The following TTLL11 variants were observed in gnomAD, a reference collection of about 807,000 sequenced individuals.
The protein encoded by TTLL11 is tubulin polyglutamylase TTLL11.
Under a neutral mutation model 51.7 loss-of-function variants are expected in TTLL11, and 42 were observed. That is an observed-to-expected ratio of 0.81 (90% confidence interval 0.64 to 1.05). The LOEUF (loss-of-function observed/expected upper bound fraction) is 1.05, where lower values mean the gene tolerates loss of function less well. TTLL11 is among the 50% of genes least tolerant of loss of function. The probability of loss-of-function intolerance (pLI) is 0.00; values close to 1 mark genes in which losing one functional copy is unlikely to be tolerated. For synonymous variants in TTLL11, 381 were observed against 383.5 expected (o/e 0.99, Z 0.08); for missense variants, 799 against 940.4 (o/e 0.85, Z 1.97).
intron 6 of TTLL11, among the ~76,000 whole-genome samples, chr9:121,896,584 A>T (rs910278749): frequency 6.6e-6 from 1 of 152,202 alleles, no homozygotes; most frequent in Non-Finnish European, 1.5e-5. Flanking sequence ...GGGTCGGGAC[A>T]TAAGTCAGGA....
In TTLL11 at chr9:121,890,392, C is replaced by T. The variant is rs1839181176; in HGVS notation, c.1482-19644G>A. 6.6e-6 allele frequency among the ~76,000 whole-genome samples: 1 copy of T among 152,204 alleles called. No homozygotes were observed. The highest frequency in any genetic ancestry group is 1.5e-5 in the Non-Finnish European group (1 of 68,040). ...TCTTCACCAGTTTCCTGGCTCGCAA[C>T]CTCCGCTTCCAATGTGTCCTTCATG... is the stretch of plus-strand genomic sequence containing the variant. On this transcript the variant is annotated intron_variant, in intron 6 of 8. Transcript: ENST00000321582. This position sits in a 1 kb window ranked among gnomAD's most constrained non-coding sequence, Gnocchi z 4.3.
At chr9:121,874,233 G>A (rs897168649) in intron 6 of TTLL11, among the ~76,000 whole-genome samples, 7 of 152,166 alleles carry the variant, frequency 4.6e-5, no homozygotes, top group Admixed American at 1.3e-4. Flanking sequence ...GAACTCAAGC[G>A]ATCCTCCTGC....
chr9:122,031,629 G>A (rs1844547055), intron 3 of TTLL11, 94 bp downstream of exon 3: 3 of 1,483,948 alleles, frequency 2.0e-6, no homozygotes, highest in Non-Finnish European at 2.7e-6. Flanking sequence ...GCAGCTCCCT[G>A]GGACCCCCTG....
In TTLL11 at chr9:121,989,983, G is replaced by A. The variant is rs568677817; in HGVS notation, c.694-213C>T. 5.3e-5 allele frequency among the ~76,000 whole-genome samples: 8 copies of A among 152,322 alleles called. No individual in the cohort carries two copies. The highest frequency in any genetic ancestry group is 8.8e-5 in the Non-Finnish European group (6 of 68,030). ...CCCCAGTCTTGTGCTCCAGAGCGAG[G>A]TGGAGAGTGTAGTGGACTGGCAGTC... On this transcript the variant is annotated intron_variant, in intron 3 of 8. Coordinates refer to ENST00000321582, the MANE Select transcript of TTLL11 (RefSeq NM_001139442.2). The surrounding 1 kb of genome is among the most constrained non-coding windows in gnomAD (Gnocchi z 4.2).
chr9:122,048,752 C>G (rs1845082280), intron 1 of TTLL11, among the ~76,000 whole-genome samples: 1 of 152,212 alleles, frequency 6.6e-6, no homozygotes, highest in South Asian at 2.1e-4. Context: ...GATCTTCTGA[C>G]TGGGCTTGCC....
chr9:122,003,399 A>G (rs1843539555), intron 3 of TTLL11, among the ~76,000 whole-genome samples: 1 of 152,044 alleles, frequency 6.6e-6, no homozygotes, highest in African/African-American at 2.4e-5. Context: ...ACGTTAGTCA[A>G]TATATATTAT....
intron 6 of TTLL11, among the ~76,000 whole-genome samples, chr9:121,896,709 C>T (rs1048253052): frequency 3.3e-5 from 5 of 152,178 alleles, no homozygotes; most frequent in African/African-American, 1.2e-4. Context: ...TACGCAGACC[C>T]TGGCCCTGAG....
chr9:122,090,408 C>G (rs1369839268), intron 1 of TTLL11, among the ~76,000 whole-genome samples: 3 of 152,134 alleles, frequency 2.0e-5, no homozygotes, highest in Non-Finnish European at 4.4e-5. Context: ...TCTTACCACT[C>G]CACCTCCCAC....
At chr9:121,859,712 C>T (rs1211307669) in intron 8 of TTLL11, among the ~76,000 whole-genome samples, 1 of 152,156 alleles carries the variant, frequency 6.6e-6, no homozygotes, top group Non-Finnish European at 1.5e-5. Flanking sequence ...CCTTTTTGCT[C>T]CAGCCCATCT....
intron 6 of TTLL11, among the ~76,000 whole-genome samples, chr9:121,913,209 AC>A (rs1166300636): frequency 1.3e-5 from 2 of 152,162 alleles, no homozygotes; most frequent in African/African-American, 4.8e-5. Context: ...GGATGACAAG[AC>A]TGTAAGCACC....
rs72767747 is a variant in TTLL11 at position 122,068,768 on chromosome 9, G to A, written c.462+23919C>T. ...CCTCTTATTCCTGGACAAAACACTG[G>A]GCTACATTCCCCAGTCTCCCTGGCA... On this transcript the variant is annotated intron_variant, in intron 1 of 8. Transcript: ENST00000321582. 6.5e-3 allele frequency among the ~76,000 whole-genome samples: 996 copies of A among 152,218 alleles called. 5 individuals carry two copies. Among genetic ancestry groups the A allele is most frequent in the Middle Eastern group, 0.01 (3 of 294 alleles).
At chr9:121,879,256 G>C (rs1185714830) in intron 6 of TTLL11, among the ~76,000 whole-genome samples, 2 of 152,090 alleles carry the variant, frequency 1.3e-5, no homozygotes, top group Admixed American at 6.6e-5. Flanking sequence ...AGGAGAATAT[G>C]GGGTTTCTGC....
chr9:121,944,516 G>T (rs1030767354), intron 6 of TTLL11, among the ~76,000 whole-genome samples: 2 of 148,652 alleles, frequency 1.3e-5, no homozygotes, highest in Non-Finnish European at 3.0e-5. Flanking sequence ...CAAAAAAAAA[G>T]GAAAAGAAAA....
chr9:121,927,291 G>A (rs1326493761), intron 6 of TTLL11, among the ~76,000 whole-genome samples: 1 of 151,672 alleles, frequency 6.6e-6, no homozygotes, highest in African/African-American at 2.4e-5. Flanking sequence ...TAGCGCATGC[G>A]CTGTCTGTAT....
chr9:122,085,854 G>A (rs1846109418), intron 1 of TTLL11, among the ~76,000 whole-genome samples: 1 of 152,300 alleles, frequency 6.6e-6, no homozygotes, highest in Admixed American at 6.5e-5. Flanking sequence ...TTAGTACAGA[G>A]TTTAGTCACA....
At chr9:121,863,174 T>C (rs1332380874) in intron 7 of TTLL11, among the ~76,000 whole-genome samples, 5 of 152,214 alleles carry the variant, frequency 3.3e-5, no homozygotes, top group Non-Finnish European at 7.3e-5. Flanking sequence ...CACACGGTTA[T>C]TGAGCCCCAG....
At chr9:121,891,444 C>T (rs944478050) in intron 6 of TTLL11, among the ~76,000 whole-genome samples, 18 of 152,160 alleles carry the variant, frequency 1.2e-4, no homozygotes, top group Admixed American at 2.0e-4. Context: ...GGGATCACAA[C>T]GATTTAGGAA....
intron 6 of TTLL11, among the ~76,000 whole-genome samples, chr9:121,968,557 CTTTTT>C (rs1197676450): frequency 6.6e-6 from 1 of 152,100 alleles, no homozygotes; most frequent in Non-Finnish European, 1.5e-5. Context: ...TACTTTCTTT[CTTTTT>C]TATTTTCTTT....
At chr9:121,952,348 AG>A (rs1187400133) in intron 6 of TTLL11, among the ~76,000 whole-genome samples, 3 of 150,854 alleles carry the variant, frequency 2.0e-5, no homozygotes, top group Non-Finnish European at 2.9e-5. Context: ...TGGGAGGCTG[AG>A]GCAGGAGAAT....
Sources: gnomAD v4.1 joint callset for allele counts (sites outside exome capture counted in the v4.1 genomes callset) on GRCh38, gnomAD v4.1.1 for gene constraint, Gnocchi (gnomAD v3.1) non-coding constraint, MANE v1.5 for transcripts, NCBI Gene and HGNC (gene_info 2026-07-23, HGNC 2026-07-21) for gene names.